TENM3: variants seen among roughly 807,000 people sequenced by gnomAD.
TENM3 encodes the protein teneurin-3.
Under a neutral mutation model 255.1 loss-of-function variants are expected in TENM3, and 63 were observed. The observed-to-expected ratio is 0.25, with a 90% CI of 0.20 to 0.30. The LOEUF (loss-of-function observed/expected upper bound fraction) is 0.30. Among genes scored for constraint, TENM3 ranks in the 10% least tolerant of loss-of-function variants. The pLI, the probability that TENM3 is intolerant of heterozygous loss-of-function variation, is 1.00. For missense variants in TENM3, 2,929 were observed against 3,461.1 expected (o/e 0.85, Z 3.86); for synonymous variants, 1,306 against 1,322.3 (o/e 0.99, Z 0.27).
At chr4:182,247,513 A>G (rs1757735252) in intron 1 of TENM3, among the ~76,000 whole-genome samples, 1 of 152,214 alleles carries the variant, frequency 6.6e-6, no homozygotes, top group Non-Finnish European at 1.5e-5. Context: ...GAGCAGCTTC[A>G]CAAAGCTGCG....
At chr4:181,619,966 G>A in the TENM3 span, among the ~76,000 whole-genome samples, 1 of 152,156 alleles carries the variant, frequency 6.6e-6, no homozygotes, top group African/African-American at 2.4e-5. Context: ...TTTATTTGAT[G>A]TGTAACAAAC....
the TENM3 span, among the ~76,000 whole-genome samples, chr4:182,071,753 T>C: frequency 6.6e-6 from 1 of 152,212 alleles, no homozygotes; most frequent in Non-Finnish European, 1.5e-5. Context: ...CCTAGCTATT[T>C]TGAAATGTAC....
At chr4:182,355,581 C>G (rs1408229701) in intron 3 of TENM3, among the ~76,000 whole-genome samples, 1 of 152,000 alleles carries the variant, frequency 6.6e-6, no homozygotes, top group East Asian at 1.9e-4. Flanking sequence ...AAATAATTGA[C>G]TTAGAGGTCA....
chr4:181,719,799 A>G, the TENM3 span, among the ~76,000 whole-genome samples: 2 of 152,250 alleles, frequency 1.3e-5, no homozygotes, highest in Non-Finnish European at 2.9e-5. Flanking sequence ...CACAGAATTT[A>G]AATGATGCCT....
intron 3 of TENM3, among the ~76,000 whole-genome samples, chr4:182,387,937 C>CAAAAAA (rs5864781): frequency 1.5e-5 from 2 of 136,738 alleles, no homozygotes; most frequent in African/African-American, 5.4e-5. Flanking sequence ...GTGATAATTG[C>CAAAAAA]AAAAAAAAAA....
At chr4:181,707,915 A>C in the TENM3 span, among the ~76,000 whole-genome samples, 1 of 152,220 alleles carries the variant, frequency 6.6e-6, no homozygotes, top group African/African-American at 2.4e-5. Flanking sequence ...AATTATGGAA[A>C]AAATAAAGGC....
the TENM3 span, among the ~76,000 whole-genome samples, chr4:181,529,056 T>A: frequency 1.3e-5 from 2 of 152,060 alleles, no homozygotes; most frequent in Non-Finnish European, 2.9e-5. Flanking sequence ...GAAGGCACAG[T>A]GGAGATTATT....
chr4:181,748,250 A>G, the TENM3 span, among the ~76,000 whole-genome samples: 1 of 152,110 alleles, frequency 6.6e-6, no homozygotes, highest in Non-Finnish European at 1.5e-5. Context: ...TTTGCACTAC[A>G]TAATCTTCTT....
intron 1 of TENM3, among the ~76,000 whole-genome samples, chr4:182,197,257 T>C (rs1036756181): frequency 6.6e-6 from 1 of 152,238 alleles, no homozygotes; most frequent in Admixed American, 6.5e-5. Flanking sequence ...TGTTTGCATC[T>C]ACACTCAAAG....
the TENM3 span, among the ~76,000 whole-genome samples, chr4:181,909,626 A>G: frequency 6.5e-5 from 7 of 107,034 alleles, no homozygotes; most frequent in Middle Eastern, 5.2e-3. Context: ...TTGTTCATGT[A>G]TCATCTAGTA....
chr4:181,907,794 G>T, the TENM3 span, among the ~76,000 whole-genome samples: 4 of 152,062 alleles, frequency 2.6e-5, no homozygotes, highest in African/African-American at 9.7e-5. Context: ...AACATTCGAG[G>T]CCAACTGCTT....
intron 3 of TENM3, among the ~76,000 whole-genome samples, chr4:182,535,606 T>A (rs974014327): frequency 6.6e-6 from 1 of 151,848 alleles, no homozygotes; most frequent in Non-Finnish European, 1.5e-5. Context: ...CCAGGTGTGG[T>A]GGCATGCACC....
intron 1 of TENM3, among the ~76,000 whole-genome samples, chr4:182,146,556 A>G (rs1749981473): frequency 6.6e-6 from 1 of 152,108 alleles, no homozygotes; most frequent in South Asian, 2.1e-4. Context: ...GAATTTTATT[A>G]TTCCTCTTAA....
intron 1 of TENM3, among the ~76,000 whole-genome samples, chr4:182,249,629 C>G (rs905606199): frequency 2.0e-5 from 3 of 152,150 alleles, no homozygotes; most frequent in Admixed American, 1.3e-4. Flanking sequence ...TACGTCCCCC[C>G]ACAGTGAGGG....
intron 1 of TENM3, among the ~76,000 whole-genome samples, chr4:182,187,779 GAC>G (rs1753262199): frequency 6.6e-6 from 1 of 152,062 alleles, no homozygotes; most frequent in Admixed American, 6.6e-5. Flanking sequence ...ATATGAAAAA[GAC>G]ATTTTTATAT....
the TENM3 span, among the ~76,000 whole-genome samples, chr4:181,875,421 A>ATT: frequency 0.19 from 28,657 of 147,742 alleles, 3,128 homozygotes; most frequent in Non-Finnish European, 0.24. Flanking sequence ...TTAGGAACCT[A>ATT]TTTTTTTTTT....
chr4:182,580,563 C>A (rs887772948), intron 3 of TENM3, among the ~76,000 whole-genome samples: 34 of 151,954 alleles, frequency 2.2e-4, no homozygotes, highest in African/African-American at 8.2e-4. Context: ...CCCTTTTTGA[C>A]AGCTCCATTA....
chr4:182,241,518 C>CTTTTTTTTTTTTTTTTTTTT (rs982739950), upstream of TENM3, among the ~76,000 whole-genome samples: 82 of 114,274 alleles, frequency 7.2e-4, 3 homozygotes, highest in African/African-American at 2.5e-3. Flanking sequence ...TTTTTTCTTT[C>CTTTTTTTTTTTTTTTTTTTT]TTTTTTTTTT....
chr4:181,559,617 C>T, the TENM3 span, among the ~76,000 whole-genome samples: 356 of 152,298 alleles, frequency 2.3e-3, no homozygotes, highest in Non-Finnish European at 4.1e-3. Flanking sequence ...TAGAACAGTG[C>T]CTGGCATATA....
Sources: gnomAD v4.1 joint callset for allele counts (sites outside exome capture counted in the v4.1 genomes callset) on GRCh38, gnomAD v4.1.1 for gene constraint, MANE v1.5 for transcripts, NCBI Gene and HGNC (gene_info 2026-07-23, HGNC 2026-07-21) for gene names.